The following SPON1 variants were observed in gnomAD, a reference collection of about 807,000 sequenced individuals.
The protein encoded by SPON1 is spondin-1.
A neutral mutation model predicts 111.7 loss-of-function variants in SPON1; 52 were observed. That is an observed-to-expected ratio of 0.47 (90% CI 0.37 to 0.59). The LOEUF is 0.59. SPON1 is among the 20% of genes least tolerant of loss of function. The probability of loss-of-function intolerance (pLI) is 0.00; values close to 1 mark genes in which losing one functional copy is unlikely to be tolerated. For synonymous variants in SPON1, 410 were observed against 395.8 expected, an observed-to-expected ratio of 1.04 and a Z score of -0.43; for missense variants, 957 against 1,068.5, an observed-to-expected ratio of 0.90 and a Z score of 1.46.
At position 14,135,687 on chromosome 11, in the gene SPON1, C is replaced by A; in HGVS notation, c.825+119C>A. On this transcript the variant is annotated intron_variant, in intron 6 of 15. Transcript: ENST00000576479. The surrounding 1 kb of genome is among the most constrained non-coding windows in gnomAD (Gnocchi z 4.4). ...AATGTGGTGGAAGAAAATCTATTTGCTGAGTTTGGGGGTTTTATGTTAAGT... is the reference window on the plus strand; with the variant it reads ...AATGTGGTGGAAGAAAATCTATTTGATGAGTTTGGGGGTTTTATGTTAAGT... 2 of 1,045,854 alleles carry A rather than the reference C, an allele frequency of 1.9e-6. No individual in the cohort carries two copies. Among genetic ancestry groups the A allele is most frequent in the Non-Finnish European group, 2.8e-6 (2 of 719,904 alleles). The allele number at this position is 1,045,854 out of a possible 1,614,324, so 64.8% of individuals were successfully genotyped here. A position where few individuals can be genotyped will look rare whatever the true frequency, so the allele number is the denominator to read the frequency against.
intron 2 of SPON1, among the ~76,000 whole-genome samples, chr11:14,016,570 G>A (rs900422254): frequency 6.6e-6 from 1 of 152,022 alleles, no homozygotes; most frequent in Non-Finnish European, 1.5e-5. Flanking sequence ...TTTAAAACAA[G>A]TTCTCAGAGT....
intron 6 of SPON1, among the ~76,000 whole-genome samples, chr11:14,141,214 T>C (rs1327976502): frequency 6.6e-6 from 1 of 152,228 alleles, no homozygotes; most frequent in East Asian, 1.9e-4. Context: ...GCAGTTTTTC[T>C]AAACTTGTTT....
At chr11:14,188,610 C>G (rs1323125906) in intron 6 of SPON1, among the ~76,000 whole-genome samples, 2 of 152,104 alleles carry the variant, frequency 1.3e-5, no homozygotes, top group Non-Finnish European at 2.9e-5. Context: ...CAGGATGTAT[C>G]TCAGGTGTAT....
chr11:14,019,297 G>A (rs1357365392), intron 2 of SPON1, among the ~76,000 whole-genome samples: 2 of 151,716 alleles, frequency 1.3e-5, no homozygotes, highest in Non-Finnish European at 2.9e-5. Context: ...GGGAATAATG[G>A]CACTTAACCT....
intron 9 of SPON1, 55 bp from the exon 10 acceptor site, chr11:14,256,562 T>A: frequency 7.8e-7 from 1 of 1,277,974 alleles, no homozygotes; most frequent in Admixed American, 1.7e-5. Flanking sequence ...ACCTTCCCCC[T>A]ACACATTCCC....
intron 3 of SPON1, among the ~76,000 whole-genome samples, chr11:14,049,808 C>A (rs927012512): frequency 6.6e-6 from 1 of 152,120 alleles, no homozygotes; most frequent in Non-Finnish European, 1.5e-5. Flanking sequence ...CTCAAAGTTA[C>A]GTATGGTCTT....
chr11:14,108,596 T>TG (rs2133847535), intron 5 of SPON1, among the ~76,000 whole-genome samples: 1 of 152,346 alleles, frequency 6.6e-6, no homozygotes, highest in African/African-American at 2.4e-5. Flanking sequence ...GATTTTATAC[T>TG]ACAAGGCCTA....
At chr11:14,261,691 G>A (rs566692764) in intron 14 of SPON1, among the ~76,000 whole-genome samples, 1 of 152,198 alleles carries the variant, frequency 6.6e-6, no homozygotes, top group African/African-American at 2.4e-5. Flanking sequence ...CAGTAACTAA[G>A]ATTGGCCCAT....
chr11:14,079,869 C>CT (rs1554921866), intron 4 of SPON1, 30 bp from the exon 5 acceptor site: 1 of 1,613,634 alleles, frequency 6.2e-7, no homozygotes, highest in East Asian at 2.2e-5. Flanking sequence ...CGTTTACTTT[C>CT]TAACTTGGTG....
At chr11:14,257,930 G>A in intron 11 of SPON1, 32 bp downstream of exon 11, 1 of 1,494,348 alleles carries the variant, frequency 6.7e-7, no homozygotes, top group Non-Finnish European at 8.9e-7. Flanking sequence ...GCCAGGGGCT[G>A]GCAGGAGTTC....
intron 1 of SPON1, among the ~76,000 whole-genome samples, chr11:13,973,476 G>A (rs1554908817): frequency 6.6e-6 from 1 of 152,152 alleles, no homozygotes; most frequent in Non-Finnish European, 1.5e-5. Flanking sequence ...TCCACGTGTT[G>A]TTCAGCTCAG....
intron 5 of SPON1, among the ~76,000 whole-genome samples, chr11:14,132,407 C>G (rs560371320): frequency 3.3e-5 from 5 of 152,240 alleles, no homozygotes; most frequent in Non-Finnish European, 5.9e-5. Context: ...AAGATAGGTC[C>G]CACGCTTGAG....
intron 6 of SPON1, among the ~76,000 whole-genome samples, chr11:14,159,747 C>G (rs782098991): frequency 7.9e-5 from 12 of 152,028 alleles, no homozygotes; most frequent in Non-Finnish European, 1.5e-4. Context: ...ATGGATGGAA[C>G]TGGATATCAT....
At chr11:14,021,617 G>A (rs1383606270) in intron 2 of SPON1, among the ~76,000 whole-genome samples, 2 of 152,168 alleles carry the variant, frequency 1.3e-5, no homozygotes, top group Non-Finnish European at 1.5e-5. Flanking sequence ...GGGCATTTTG[G>A]TGCCATTGAG....
chr11:14,215,143 A>C (rs902933742), intron 6 of SPON1, among the ~76,000 whole-genome samples: 4 of 151,642 alleles, frequency 2.6e-5, no homozygotes, highest in Admixed American at 6.6e-5. Context: ...ACAGCCAAGA[A>C]CTCTTGGGCT....
chr11:14,024,299 C>A (rs1265329972), intron 2 of SPON1, among the ~76,000 whole-genome samples: 1 of 152,178 alleles, frequency 6.6e-6, no homozygotes, highest in Non-Finnish European at 1.5e-5. Flanking sequence ...AGACCCTCTG[C>A]CTTATCGCAA....
intron 6 of SPON1, among the ~76,000 whole-genome samples, chr11:14,216,561 G>T (rs1226659135): frequency 6.6e-6 from 1 of 152,130 alleles, no homozygotes; most frequent in African/African-American, 2.4e-5. Flanking sequence ...TAGTTCTGGA[G>T]GCTGGGAATA....
At chr11:13,983,923 G>T (rs1454550527) in intron 2 of SPON1, among the ~76,000 whole-genome samples, 1 of 152,108 alleles carries the variant, frequency 6.6e-6, no homozygotes, top group Admixed American at 6.6e-5. Flanking sequence ...TTATCCAAAG[G>T]CATCTTTTAA....
chr11:14,133,989 C>G (rs111366324), intron 5 of SPON1, among the ~76,000 whole-genome samples: 3 of 151,408 alleles, frequency 2.0e-5, no homozygotes, highest in African/African-American at 7.3e-5. Flanking sequence ...CATGGGGAAG[C>G]GATGTGAGCT....
Sources: gnomAD v4.1 joint callset for allele counts (sites outside exome capture counted in the v4.1 genomes callset) on GRCh38, gnomAD v4.1.1 for gene constraint, Gnocchi (gnomAD v3.1) non-coding constraint, MANE v1.5 for transcripts, NCBI Gene and HGNC (gene_info 2026-07-23, HGNC 2026-07-21) for gene names.